SF3B3: variants seen among roughly 807,000 people sequenced by gnomAD.
SF3B3 encodes splicing factor 3b subunit 3.
A neutral mutation model predicts 139.2 loss-of-function variants in SF3B3; 33 were observed. The observed-to-expected ratio is 0.24, with a 90% CI of 0.18 to 0.32. The LOEUF is 0.32. SF3B3 is among the 10% of genes least tolerant of loss of function. The pLI, the probability that SF3B3 is intolerant of heterozygous loss-of-function variation, is 1.00. For missense variants in SF3B3, 818 were observed against 1,509.4 expected (o/e 0.54, Z 7.59); for synonymous variants, 596 against 563.6 (o/e 1.06, Z -0.81).
chr16:70,541,981 A>G, intron 9 of SF3B3, 147 bp downstream of exon 9: 1 of 663,958 alleles, frequency 1.5e-6, no homozygotes, highest in Non-Finnish European at 2.4e-6. Flanking sequence ...AACCATTAAT[A>G]AGTCCTCGGG....
chr16:70,544,719 C>G (rs1209734400), intron 10 of SF3B3, among the ~76,000 whole-genome samples, 186 bp downstream of exon 10: 1 of 152,230 alleles, frequency 6.6e-6, no homozygotes, highest in African/African-American at 2.4e-5. Flanking sequence ...AAAACAGGGT[C>G]TCACTGTGTT....
intron 5 of SF3B3, among the ~76,000 whole-genome samples, chr16:70,535,072 G>A (rs1274634087): frequency 6.6e-6 from 1 of 152,146 alleles, no homozygotes; most frequent in Non-Finnish European, 1.5e-5. Flanking sequence ...CTGCATTTGG[G>A]CTTGGAGGTA....
At chr16:70,556,762 C>T (rs1463781031) in intron 14 of SF3B3, 124 bp from the exon 15 acceptor site, 2 of 1,025,682 alleles carry the variant, frequency 1.9e-6, no homozygotes, top group Non-Finnish European at 2.9e-6. Context: ...TTAGAACTCA[C>T]TCCCCGGGTT....
rs997199306 is a variant in SF3B3, at chr16:70,572,954, T to C, written c.*1141T>C. On this transcript the variant is annotated 3_prime_UTR_variant, in exon 26 of 26. Coordinates refer to ENST00000302516, the MANE Select transcript of SF3B3 (RefSeq NM_012426.5). The stretch of plus-strand genomic sequence containing the variant: ...GAAGTGAGCTCACTGTTCTCAATAC[T>C]TCACAAATGTAAAACTTTCTTTCGT... The C allele has an allele frequency of 6.6e-6, 1 of 152,210 alleles. No homozygotes were observed. The highest frequency in any genetic ancestry group is 1.9e-4 in the East Asian group (1 of 5,194). The allele number at this position is 152,210 out of a possible 1,614,324, so 9.4% of individuals were successfully genotyped here. A position where few individuals can be genotyped will look rare whatever the true frequency, so the allele number is the denominator to read the frequency against.
chr16:70,569,607 T>C lies in SF3B3; in HGVS notation c.3265-399T>C, dbSNP rs545677236. ...AAGTAAATGTGAGAATTTTAAAATA[T>C]TTGTAGGGTTTAATAATTTTTGGAT... On this transcript the variant is annotated intron_variant, in intron 23 of 25. Transcript: ENST00000302516. Among the ~76,000 whole-genome samples the C allele has an allele frequency of 3.4e-4, 52 of 152,302 alleles. No individual in the cohort carries two copies. The South Asian group carries it at 6.4e-3, about 19-fold the overall frequency.
At position 70,523,834 on chromosome 16, in the gene SF3B3, A is replaced by C. The variant is rs907746152; in HGVS notation, c.-165A>C. On this transcript the variant is annotated 5_prime_UTR_variant, in exon 1 of 26. Coordinates refer to ENST00000302516, the MANE Select transcript of SF3B3 (RefSeq NM_012426.5). ...CCAGAATGTCCCTGTCTTGAGGTCT[A>C]ATGGCGGACGCCAGTATGTTGGAGT... 38 of 546,550 alleles carry C rather than the reference A, an allele frequency of 7.0e-5. No homozygotes were observed. The highest frequency in any genetic ancestry group is 1.1e-4 in the Non-Finnish European group (33 of 311,198). 33.9% of individuals were successfully genotyped at this position (546,550 alleles called of 1,614,324 possible).
chr16:70,531,267 CA>C (rs899360659), intron 4 of SF3B3, among the ~76,000 whole-genome samples: 1 of 148,556 alleles, frequency 6.7e-6, no homozygotes, highest in Admixed American at 6.7e-5. Context: ...GACTCCATCT[CA>C]AAAAAAAACG....
rs1436690465 is a variant in SF3B3 at position 70,571,798 on chromosome 16, C to A, written c.3639C>A (p.Thr1213=). The change falls in exon 26 of 26, where the codon ACC becomes ACA. Residue 1213 remains threonine (T), a synonymous_variant. Coordinates refer to ENST00000302516, the MANE Select transcript of SF3B3 (RefSeq NM_012426.5). ...CCAAGAAACTCGAGGATATCCGGAC[C>A]CGCTACGCCTTCTGAGCCCTCCTTT... ...EVSKKLEDIR[T]RYAF The A allele has an allele frequency of 6.2e-7, 1 of 1,613,470 alleles. No individual in the cohort carries two copies. The highest frequency in any genetic ancestry group is 8.5e-7 in the Non-Finnish European group (1 of 1,179,846).
chr16:70,535,234 G>C (rs2050155638), intron 5 of SF3B3, 74 bp from the exon 6 acceptor site: 2 of 674,038 alleles, frequency 3.0e-6, no homozygotes, highest in East Asian at 5.6e-5. Flanking sequence ...TGTGCTGAAA[G>C]AGAGGAGGAG....
chr16:70,568,376 C>T lies in SF3B3; in HGVS notation c.3046C>T (p.Arg1016Cys), dbSNP rs906605401. 7 of 1,613,614 alleles carry T rather than the reference C, an allele frequency of 4.3e-6. No individual in the cohort carries two copies. The highest frequency in any genetic ancestry group is 1.1e-5 in the South Asian group (1 of 91,072). The part of the protein sequence containing the change: ...QESFIWVRYK[R>C]NENQLIIFAD... The stretch of plus-strand genomic sequence containing the variant: ...AAGTTTCATCTGGGTTCGCTACAAG[C>T]GTAATGAAAACCAGCTTATCATCTT... The change falls in exon 22 of 26, where the codon CGT (arginine) becomes TGT (cysteine). Residue 1016 changes from arginine to cysteine, a missense_variant. Arg to Cys is a radical substitution (Grantham distance 180). This residue lies in a region of SF3B3 where 91 missense variants were observed against 171.8 expected (regional missense o/e 0.53). Transcript: ENST00000302516.
intron 9 of SF3B3, 150 bp downstream of exon 9, chr16:70,541,984 T>C (rs978605810): frequency 1.5e-6 from 1 of 647,894 alleles, no homozygotes; most frequent in Middle Eastern, 3.0e-4. Flanking sequence ...CATTAATAAG[T>C]CCTCGGGCTT....
chr16:70,560,376 T>A (rs2050417833), intron 15 of SF3B3, 93 bp from the exon 16 acceptor site: 2 of 1,339,460 alleles, frequency 1.5e-6, no homozygotes, highest in East Asian at 5.0e-5. Flanking sequence ...CTATCTGCTC[T>A]AATTTCTTAT....
At chr16:70,550,684 T>C (rs2050315635) in intron 11 of SF3B3, 2 of 984,738 alleles carry the variant, frequency 2.0e-6, no homozygotes, top group Non-Finnish European at 2.4e-6. Context: ...CACAGGTGTG[T>C]ACCTAACTGC....
At position 70,528,826 on chromosome 16, in the gene SF3B3, C is replaced by T. The variant is rs201382009; in HGVS notation, c.71-47C>T. 2.9e-5 allele frequency: 41 copies of T among 1,425,284 alleles called. No individual in the cohort carries two copies. The African/African-American group carries it at 5.1e-4, about 18-fold the overall frequency. The allele number at this position is 1,425,284 out of a possible 1,614,324, so 88.3% of individuals were successfully genotyped here. On this transcript the variant is annotated intron_variant, in intron 2 of 25. Transcript: ENST00000302516. ...AGAGACGGGGTTTCACCATGGTGGC[C>T]AGGCTGGGTTCTGGTTGTTTATGAT...
In SF3B3 at chr16:70,569,153, G is replaced by C. The variant is rs750582591; in HGVS notation, c.3264+12G>C. The stretch of plus-strand genomic sequence containing the variant: ...GGGCCTCCCAGAAGGTAAGATTGCA[G>C]AATGGGCCCCAGGGAGAACACTGCT... On this transcript the variant is annotated intron_variant, in intron 23 of 25. Transcript: ENST00000302516. 6.3e-7 allele frequency: 1 copy of C among 1,584,734 alleles called. No homozygotes were observed. The highest frequency in any genetic ancestry group is 1.1e-5 in the South Asian group (1 of 88,504).
Position 70,551,690 on chromosome 16 carries a change from G to GA in SF3B3, c.1403-2753dup, listed in dbSNP as rs796891789. The stretch of plus-strand genomic sequence containing the variant: ...GTACTCCAGCCTGGGCAACCAGAGC[G>GA]AAACTCTCTCCAAAAAAAAACTAAT... On this transcript the variant is annotated intron_variant, in intron 11 of 25. Coordinates refer to ENST00000302516, the MANE Select transcript of SF3B3 (RefSeq NM_012426.5). Among the ~76,000 whole-genome samples the GA allele has an allele frequency of 3.5e-4, 53 of 152,040 alleles. 1 individual carries two copies. Among genetic ancestry groups the GA allele is most frequent in the African/African-American group, 1.2e-3 (50 of 41,442 alleles).
In SF3B3 at chr16:70,539,148, T is replaced by C; in HGVS notation, c.1008T>C (p.Ala336=). ...AATATTTTGATACTGTACCCGTTGC[T>C]GCTGCCATGTGTGTGCTTAAAACAG... ...RLKYFDTVPV[A]AAMCVLKTGF... Residue 336 remains alanine, a synonymous_variant, in exon 8 of 26, where the codon GCT becomes GCC. Coordinates refer to ENST00000302516, the MANE Select transcript of SF3B3 (RefSeq NM_012426.5). 6 of 1,614,230 alleles carry C rather than the reference T, an allele frequency of 3.7e-6. No individual in the cohort carries two copies. Among genetic ancestry groups the C allele is most frequent in the Non-Finnish European group, 5.1e-6 (6 of 1,180,016 alleles).
At chr16:70,567,330 G>A in intron 20 of SF3B3, 81 bp from the exon 21 acceptor site, 3 of 1,447,172 alleles carry the variant, frequency 2.1e-6, no homozygotes. Flanking sequence ...TCCTGTGGAA[G>A]TAGGCATTTC....
chr16:70,529,897 C>T (rs1366873751), intron 3 of SF3B3, among the ~76,000 whole-genome samples: 1 of 151,858 alleles, frequency 6.6e-6, no homozygotes, highest in Non-Finnish European at 1.5e-5. Context: ...CTTTGGGAGG[C>T]CAAGGTGGGA....
Sources: allele counts gnomAD v4.1 joint callset (sites outside exome capture counted in the v4.1 genomes callset), GRCh38; gene constraint gnomAD v4.1.1; regional missense constraint gnomAD v4.1.1; transcripts MANE v1.5; gene names NCBI Gene and HGNC (gene_info 2026-07-23, HGNC 2026-07-21).